Variants in CSPG4 observed in about 807,000 individuals in gnomAD.
CSPG4 encodes the protein chondroitin sulfate proteoglycan 4 (melanoma-associated).
CSPG4 carries 74 observed loss-of-function variants against 139.3 expected under a neutral mutation model. The ratio of observed to expected loss-of-function variants is 0.53; its 90% CI spans 0.44 to 0.64. The LOEUF (loss-of-function observed/expected upper bound fraction) is 0.64. Ranked by LOEUF, CSPG4 falls within the 30% of genes least tolerant of loss-of-function variation. CSPG4 has a pLI of 0.00. For synonymous variants in CSPG4, 1,234 were observed against 1,394.2 expected (o/e 0.89, Z 2.56); for missense variants, 2,565 against 3,148.3 (o/e 0.81, Z 4.43).
At chr15:75,709,225 TAA>T in intron 1 of CSPG4, among the ~76,000 whole-genome samples, 1 of 152,240 alleles carries the variant, frequency 6.6e-6, no homozygotes, top group East Asian at 1.9e-4. Flanking sequence ...GGTAATACAG[TAA>T]ATCTGAAACC....
intron 1 of CSPG4, among the ~76,000 whole-genome samples, chr15:75,702,028 G>A (rs1243457710): frequency 1.3e-5 from 2 of 152,186 alleles, no homozygotes; most frequent in Non-Finnish European, 2.9e-5. Context: ...CACCGTCCTC[G>A]GTCTGGCTTA....
At chr15:75,685,048 C>T (rs544442615) in intron 4 of CSPG4, 136 bp from the exon 5 acceptor site, 24 of 1,275,624 alleles carry the variant, frequency 1.9e-5, no homozygotes, top group Middle Eastern at 2.5e-4. Context: ...GTTCTGGCTC[C>T]GAGGAGTTGT....
At chr15:75,707,044 G>A (rs1325325295) in intron 1 of CSPG4, among the ~76,000 whole-genome samples, 3 of 149,794 alleles carry the variant, frequency 2.0e-5, no homozygotes, top group Non-Finnish European at 4.4e-5. Context: ...TGCAACATCT[G>A]CCTCCCAGGT....
intron 1 of CSPG4, among the ~76,000 whole-genome samples, chr15:75,710,015 C>T (rs1894427073): frequency 6.6e-6 from 1 of 151,868 alleles, no homozygotes; most frequent in Admixed American, 6.6e-5. Flanking sequence ...GTCCCGAGCA[C>T]CATCGGTCCC....
chr15:75,678,905 C>T (rs759264241), intron 8 of CSPG4: 4 of 402,328 alleles, frequency 9.9e-6, no homozygotes, highest in South Asian at 7.1e-5. Context: ...TGCCGCCAAG[C>T]AACCCTTCCT....
In CSPG4 at chr15:75,684,812, T is replaced by C. The variant is rs776357975; in HGVS notation, c.4373A>G (p.His1458Arg). Residue 1458 changes from histidine to arginine, a missense_variant, in exon 5 of 10, where the codon CAT (histidine) becomes CGT (arginine). By Grantham distance (29) the His-to-Arg change is conservative. Around this residue, in one of 5 missense-constraint regions of CSPG4, gnomAD observed 2,316 missense variants for 2,818.2 expected, o/e 0.82. Transcript: ENST00000308508. ...ANASEMDRQS[H>R]PVAFTVTVLP... is the part of the protein sequence containing the mutation. ...GACAGTGACAGTGAAGGCCACAGGATGGCTCTGGCGATCCATCTCGGAGGC... is the reference window on the plus strand; with the variant it reads ...GACAGTGACAGTGAAGGCCACAGGACGGCTCTGGCGATCCATCTCGGAGGC... 1 of 1,613,632 alleles carries C rather than the reference T, an allele frequency of 6.2e-7. No individual in the cohort carries two copies. The highest frequency in any genetic ancestry group is 8.5e-7 in the Non-Finnish European group (1 of 1,179,882).
chr15:75,682,904 A>G lies in CSPG4; in HGVS notation c.4587T>C (p.Thr1529=), dbSNP rs765598057. ...GGGCCTGCGTGAAGCTGCGCACCTCAGTGCCCGGCGCCCCCCGCAGCACTA... is the reference window on the plus strand; with the variant it reads ...GGGCCTGCGTGAAGCTGCGCACCTCGGTGCCCGGCGCCCCCCGCAGCACTA... ...GRVVLRGAPG[T]EVRSFTQAQL... is the part of the protein sequence containing the mutation. Residue 1529 remains threonine (T), a synonymous_variant, in exon 6 of 10, where the codon ACT becomes ACC. Coordinates refer to ENST00000308508, the MANE Select transcript of CSPG4 (RefSeq NM_001897.5). 166 of 1,610,808 alleles carry G rather than the reference A, an allele frequency of 1.0e-4. No homozygotes were observed. Among genetic ancestry groups the G allele is most frequent in the South Asian group, 4.5e-4 (41 of 90,910 alleles).
chr15:75,708,739 A>G (rs1894405797), intron 1 of CSPG4, among the ~76,000 whole-genome samples: 1 of 152,148 alleles, frequency 6.6e-6, no homozygotes, highest in Non-Finnish European at 1.5e-5. Flanking sequence ...GTAAAATAGG[A>G]CTGTTGGACA....
At position 75,688,977 on chromosome 15, in the gene CSPG4, A is replaced by G; in HGVS notation, c.2088T>C (p.Asp696=). The G allele has an allele frequency of 6.2e-7, 1 of 1,612,432 alleles. No homozygotes were observed. ...CAGTGACGCGGAACAGCACGCTCACATCCTGCCCCACGGCATTGGTCTCCA... is the reference window on the plus strand; with the variant it reads ...CAGTGACGCGGAACAGCACGCTCACGTCCTGCCCCACGGCATTGGTCTCCA... ...LSVETNAVGQ[D]VSVLFRVTGA... is the part of the protein sequence containing the mutation. Residue 696 remains aspartate (D), a synonymous_variant, in exon 3 of 10, where the codon GAT becomes GAC. Transcript: ENST00000308508.
chr15:75,689,805 C>G lies in CSPG4; in HGVS notation c.1260G>C (p.Gly420=). ...TGAAATTGGCAAAGACAGGAGGCAG[C>G]CCTGGCTCAGGCACGCATGGCTCAG... is the stretch of plus-strand genomic sequence containing the variant. ...ELPEPCVPEP[G]LPPVFANFTQ... The change falls in exon 3 of 10, where the codon GGG becomes GGC. Residue 420 remains glycine (G), a synonymous_variant. Coordinates refer to ENST00000308508, the MANE Select transcript of CSPG4 (RefSeq NM_001897.5). The G allele has an allele frequency of 6.2e-7, 1 of 1,612,666 alleles. No individual in the cohort carries two copies. The highest frequency in any genetic ancestry group is 8.5e-7 in the Non-Finnish European group (1 of 1,179,716).
Position 75,682,457 on chromosome 15 carries a change from A to C in CSPG4, c.4786T>G (p.Ser1596Ala). 6.3e-7 allele frequency: 1 copy of C among 1,578,602 alleles called. No individual in the cohort carries two copies. Among genetic ancestry groups the C allele is most frequent in the Non-Finnish European group, 8.6e-7 (1 of 1,167,978 alleles). The change falls in exon 8 of 10, where the codon TCC becomes GCC. Residue 1596 changes from serine (S) to alanine (A), a missense_variant and splice_region_variant. By Grantham distance (99) the Ser-to-Ala change is moderately conservative. Around this residue, in one of 5 missense-constraint regions of CSPG4, gnomAD observed 2,316 missense variants for 2,818.2 expected, o/e 0.82. Transcript: ENST00000308508. ...GSQTLTVCPG[S>A]VQPLSSQTLR... ...GTCTGACTGCTGAGTGGCTGGACGG[A>C]CCCTGCCAGAGGCAAAAGGGGATAT...
chr15:75,687,215 G>A lies in CSPG4; in HGVS notation c.3789+61C>T. On this transcript the variant is annotated intron_variant, in intron 3 of 9. Coordinates refer to ENST00000308508, the MANE Select transcript of CSPG4 (RefSeq NM_001897.5). This position sits in a 1 kb window ranked among gnomAD's most constrained non-coding sequence, Gnocchi z 5.4. The stretch of plus-strand genomic sequence containing the variant: ...CCAAGTCACGTGTGTTCCTGGCATG[G>A]AGGCTGGGAGAAGGCCCTCTACCTG... 1 of 1,590,138 alleles carries A rather than the reference G, an allele frequency of 6.3e-7. No homozygotes were observed.
chr15:75,707,249 G>A (rs972817490), intron 1 of CSPG4, among the ~76,000 whole-genome samples: 1 of 152,080 alleles, frequency 6.6e-6, no homozygotes, highest in African/African-American at 2.4e-5. Context: ...GAGCCACCGC[G>A]CCTGGCCTCC....
chr15:75,680,928 A>G (rs138961708), intron 8 of CSPG4, among the ~76,000 whole-genome samples: 77 of 151,942 alleles, frequency 5.1e-4, no homozygotes, highest in Non-Finnish European at 9.3e-4. Context: ...TGCCAGCCTG[A>G]CCCCCTGGTG....
Position 75,677,901 on chromosome 15 carries a change from A to G in CSPG4, c.4951-15T>C, listed in dbSNP as rs1347808852. On this transcript the variant is annotated splice_polypyrimidine_tract_variant and intron_variant, in intron 8 of 9. Coordinates refer to ENST00000308508, the MANE Select transcript of CSPG4 (RefSeq NM_001897.5). ...CCAGCGTAGACCTAGGGGAGACACC[A>G]TCGTGGGGTGAGAGGCAGGTCCAGC... 3 of 1,586,986 alleles carry G rather than the reference A, an allele frequency of 1.9e-6. No individual in the cohort carries two copies. The East Asian group carries it at 6.9e-5, about 36-fold the overall frequency.
At chr15:75,697,218 AT>A (rs1175243184) in intron 1 of CSPG4, among the ~76,000 whole-genome samples, 4 of 152,110 alleles carry the variant, frequency 2.6e-5, no homozygotes, top group Non-Finnish European at 5.9e-5. Flanking sequence ...GCCTCCGGCC[AT>A]CCCTGCTGCC....
At chr15:75,700,739 G>A (rs1034994712) in intron 1 of CSPG4, among the ~76,000 whole-genome samples, 1 of 152,146 alleles carries the variant, frequency 6.6e-6, no homozygotes, top group African/African-American at 2.4e-5. Flanking sequence ...GCGGCGTCTC[G>A]GGGCTTCCCC....
chr15:75,676,974 C>T lies in CSPG4; in HGVS notation c.5545G>A (p.Ala1849Thr). The T allele has an allele frequency of 1.3e-6, 2 of 1,487,368 alleles. No individual in the cohort carries two copies. Among genetic ancestry groups the T allele is most frequent in the Non-Finnish European group, 1.8e-6 (2 of 1,113,978 alleles). The allele number at this position is 1,487,368 out of a possible 1,614,324, so 92.1% of individuals were successfully genotyped here. ...VPLRLTRGSR[A>T]PISRAQLSVV... ...CTCAGCTGGGCCCGGGAGATGGGGGCACGAGAGCCTCGGGTGAGCCGGAGT... is the reference window on the plus strand; with the variant it reads ...CTCAGCTGGGCCCGGGAGATGGGGGTACGAGAGCCTCGGGTGAGCCGGAGT... Residue 1849 changes from alanine (A) to threonine (T), a missense_variant, in exon 10 of 10, where the codon GCC (alanine) becomes ACC (threonine). By Grantham distance (58) the Ala-to-Thr change is moderately conservative (BLOSUM62 0). Transcript: ENST00000308508.
chr15:75,706,565 G>A (rs1007997934), intron 1 of CSPG4, among the ~76,000 whole-genome samples: 4 of 152,196 alleles, frequency 2.6e-5, no homozygotes, highest in African/African-American at 9.6e-5. Flanking sequence ...CAGAGATGGA[G>A]GGCAGGGCCC....
Sources: gnomAD v4.1 joint callset for allele counts (sites outside exome capture counted in the v4.1 genomes callset) on GRCh38, gnomAD v4.1.1 for gene constraint, gnomAD v4.1.1 regional missense constraint, Gnocchi (gnomAD v3.1) non-coding constraint, MANE v1.5 for transcripts, NCBI Gene and HGNC (gene_info 2026-07-23, HGNC 2026-07-21) for gene names.